TMEM63A: variants seen among roughly 807,000 people sequenced by gnomAD.
TMEM63A encodes the protein mechanosensitive cation channel TMEM63A.
Under a neutral mutation model 100.6 loss-of-function variants are expected in TMEM63A, and 76 were observed. The ratio of observed to expected loss-of-function variants is 0.76; its 90% CI spans 0.63 to 0.91. The LOEUF (loss-of-function observed/expected upper bound fraction) is 0.91. TMEM63A is among the 40% of genes least tolerant of loss of function. TMEM63A has a pLI of 0.00. For missense variants in TMEM63A, 876 were observed against 1,008.8 expected (o/e 0.87, Z 1.78); for synonymous variants, 401 against 401.1 (o/e 1.00, Z 0.00).
intron 2 of TMEM63A, among the ~76,000 whole-genome samples, chr1:225,878,861 CACCT>C (rs1374393104): frequency 5.2e-4 from 76 of 146,460 alleles, no homozygotes; most frequent in African/African-American, 1.2e-3. Context: ...CACACATGGA[CACCT>C]ACCTACCTAC....
rs1301825646 is a variant in TMEM63A, at chr1:225,865,755, C to T, written c.746+142G>A. On this transcript the variant is annotated intron_variant, in intron 10 of 24. Coordinates refer to ENST00000366835, the MANE Select transcript of TMEM63A (RefSeq NM_014698.3). The surrounding 1 kb of genome is among the most constrained non-coding windows in gnomAD (Gnocchi z 4.6). ...CAGGAGCCACTCCATACACGTGTGG[C>T]AGGGCCAGGTCCTTCTCAGATCTCA... 3.8e-6 allele frequency: 3 copies of T among 787,140 alleles called. No individual in the cohort carries two copies. Among genetic ancestry groups the T allele is most frequent in the African/African-American group, 1.7e-5 (1 of 58,168 alleles). 48.8% of individuals were successfully genotyped at this position (787,140 alleles called of 1,614,324 possible).
Position 225,853,512 on chromosome 1 carries a change from G to A in TMEM63A, c.1797+117C>T, listed in dbSNP as rs1213188399. 2.3e-5 allele frequency: 25 copies of A among 1,098,254 alleles called. No individual in the cohort carries two copies. The South Asian group carries it at 4.4e-4, about 19-fold the overall frequency. 68.0% of individuals were successfully genotyped at this position (1,098,254 alleles called of 1,614,324 possible). A position where few individuals can be genotyped will look rare whatever the true frequency, so the allele number is the denominator to read the frequency against. On this transcript the variant is annotated intron_variant, in intron 19 of 24. Transcript: ENST00000366835. The surrounding 1 kb of genome is among the most constrained non-coding windows in gnomAD (Gnocchi z 4.0). The stretch of plus-strand genomic sequence containing the variant: ...ACTTAGCCCAGTGCCTGCACTAGTG[G>A]GTAGTCAGGTAAATGCTACCCACTA...
chr1:225,842,320 T>C (rs752156615), downstream of TMEM63A: 10 of 1,398,236 alleles, frequency 7.2e-6, no homozygotes, highest in Non-Finnish European at 2.0e-6. Context: ...TCCAGCTCTC[T>C]GGTCCCCAGG....
intron 3 of TMEM63A, among the ~76,000 whole-genome samples, chr1:225,874,642 C>T (rs952940892): frequency 1.3e-5 from 2 of 152,370 alleles, no homozygotes; most frequent in Admixed American, 6.5e-5. Flanking sequence ...TAGTTCTGCA[C>T]GTCAGCCCTG....
downstream of TMEM63A, chr1:225,842,246 C>G (rs566154688): frequency 5.1e-6 from 4 of 778,658 alleles, no homozygotes; most frequent in African/African-American, 1.7e-5. Flanking sequence ...GGCCTGTGCT[C>G]GAACGTGGCT....
chr1:225,848,925 A>G lies in TMEM63A; in HGVS notation c.2159T>C (p.Phe720Ser). Reference sequence around the variant, plus strand: ...GTAGTTCAGAGGGCTGAGGTGCTTGAAGCATCCAAAGCAGGTGTGAGCCAG... The same window carrying G: ...GTAGTTCAGAGGGCTGAGGTGCTTGGAGCATCCAAAGCAGGTGTGAGCCAG... ...VCLAHTCFGC[F>S]KHLSPLNYKT... The change falls in exon 22 of 25, where the codon TTC (phenylalanine) becomes TCC (serine). Residue 720 changes from phenylalanine (F) to serine (S), a missense_variant. Around this residue, in one of 5 missense-constraint regions of TMEM63A, gnomAD observed 339 missense variants for 342.3 expected, o/e 0.99. Transcript: ENST00000366835. The G allele has an allele frequency of 6.2e-7, 1 of 1,600,402 alleles. No homozygotes were observed. Among genetic ancestry groups the G allele is most frequent in the Non-Finnish European group, 8.5e-7 (1 of 1,174,372 alleles).
chr1:225,859,502 G>C, intron 14 of TMEM63A, 153 bp from the exon 15 acceptor site: 1 of 878,444 alleles, frequency 1.1e-6, no homozygotes, highest in Non-Finnish European at 1.7e-6. Context: ...CAAATCTTAG[G>C]TCCCCAAGAG....
In TMEM63A at chr1:225,853,645, C is replaced by T. The variant is rs200900214; in HGVS notation, c.1781G>A (p.Arg594His). 22 of 1,567,318 alleles carry T rather than the reference C, an allele frequency of 1.4e-5. No homozygotes were observed. Among genetic ancestry groups the T allele is most frequent in the African/African-American group, 9.4e-5 (7 of 74,256 alleles). Residue 594 changes from arginine to histidine, a missense_variant, in exon 19 of 25, where the codon CGC becomes CAC. Transcript: ENST00000366835. The surrounding 1 kb of genome is among the most constrained non-coding windows in gnomAD (Gnocchi z 4.0). ...GGATGGCACCTGCTTGACATTCCTG[C>T]GGTCAGCAGCCGTCTTGGCCATGAT... is the stretch of plus-strand genomic sequence containing the variant. The part of the protein sequence containing the change: ...RMIMAKTAAD[R>H]RNVKQNQAFQ...
At chr1:225,847,582 A>T in intron 23 of TMEM63A, 1 of 176,364 alleles carries the variant, frequency 5.7e-6, no homozygotes, top group Non-Finnish European at 1.2e-5. Context: ...TGGGATGCTC[A>T]ACATATCTGT....
rs78657537 is a variant in TMEM63A, at chr1:225,865,886, C to G, written c.746+11G>C. 6,602 of 1,613,568 alleles carry G rather than the reference C, an allele frequency of 4.1e-3. 240 individuals are homozygous for G. The East Asian group carries it at 0.091, about 22-fold the overall frequency. On this transcript the variant is annotated intron_variant, in intron 10 of 24. Transcript: ENST00000366835. This position sits in a 1 kb window ranked among gnomAD's most constrained non-coding sequence, Gnocchi z 4.6. ...AGGGGGCTCAGCTCCCCTCCCACCC[C>G]ACCTGCTTACCGGAAGTGGCTCTCC...
intron 19 of TMEM63A, 37 bp from the exon 20 acceptor site, chr1:225,852,806 T>C: frequency 1.3e-6 from 2 of 1,582,890 alleles, no homozygotes; most frequent in Non-Finnish European, 1.7e-6. Flanking sequence ...CATGGACTTG[T>C]TCCACCTCAA....
At chr1:225,864,865 A>C (rs537885727) in intron 10 of TMEM63A, 2 of 152,586 alleles carry the variant, frequency 1.3e-5, no homozygotes, top group South Asian at 4.1e-4. Context: ...TCACGCCTGT[A>C]ATCCCAGCAC....
rs770381793 is a variant in TMEM63A, at chr1:225,859,324, G to A, written c.1249C>T (p.Arg417Cys). 28 of 1,614,062 alleles carry A rather than the reference G, an allele frequency of 1.7e-5. No individual in the cohort carries two copies. Among genetic ancestry groups the A allele is most frequent in the Middle Eastern group, 1.7e-4 (1 of 6,004 alleles). Residue 417 changes from arginine (R) to cysteine (C), a missense_variant, in exon 15 of 25, where the codon CGC (arginine) becomes TGC (cysteine). By Grantham distance (180) the Arg-to-Cys change is radical. Around this residue, in one of 5 missense-constraint regions of TMEM63A, gnomAD observed 487 missense variants for 581.9 expected, o/e 0.84. Transcript: ENST00000366835. ...ATGCCCAGCCACTGTAGCCACCAGC[G>A]GAGGCCCTGGATAGAGAGGTTCTTC... ...CWKNLSIQGL[R>C]WWLQWLGINF...
At chr1:225,878,458 G>A (rs560681746) in intron 2 of TMEM63A, among the ~76,000 whole-genome samples, 6 of 152,236 alleles carry the variant, frequency 3.9e-5, no homozygotes, top group Admixed American at 1.3e-4. Flanking sequence ...GCAAGGCCCA[G>A]CATTTCCAAA....
chr1:225,847,216 G>T lies in TMEM63A; in HGVS notation c.2251-3C>A. On this transcript the variant is annotated splice_region_variant and splice_polypyrimidine_tract_variant and intron_variant, in intron 23 of 24. Coordinates refer to ENST00000366835, the MANE Select transcript of TMEM63A (RefSeq NM_014698.3). ...TTCAGAATCCGAGGCACGTAGGGCT[G>T]TCAGCAAATGGATTTGTGCTTGGCC... is the stretch of plus-strand genomic sequence containing the variant. 6.2e-7 allele frequency: 1 copy of T among 1,612,314 alleles called. No individual in the cohort carries two copies. The highest frequency in any genetic ancestry group is 8.5e-7 in the Non-Finnish European group (1 of 1,179,186).
intron 20 of TMEM63A, among the ~76,000 whole-genome samples, chr1:225,850,789 G>A (rs996723959): frequency 2.0e-5 from 3 of 152,128 alleles, no homozygotes; most frequent in Admixed American, 6.5e-5. Flanking sequence ...TCGGCTCACT[G>A]CAAGCTCCGC....
chr1:225,841,789 A>T (rs1472394706), downstream of TMEM63A, among the ~76,000 whole-genome samples: 1 of 151,652 alleles, frequency 6.6e-6, no homozygotes, highest in Non-Finnish European at 1.5e-5. Flanking sequence ...TTTTTAATAG[A>T]GATGGGGTTT....
rs145863221 is a variant in TMEM63A, at chr1:225,850,026, C to T, written c.1957G>A (p.Val653Ile). 1.5e-4 allele frequency: 246 copies of T among 1,614,158 alleles called. No homozygotes were observed. The highest frequency in any genetic ancestry group is 3.3e-4 in the African/African-American group (25 of 75,046). Reference sequence around the variant, plus strand: ...TTCTCCAGCTTGGCTGGGAGGTAGACGAAGTAGAGGTTGTGCCGGTCCACC... The same window carrying T: ...TTCTCCAGCTTGGCTGGGAGGTAGATGAAGTAGAGGTTGTGCCGGTCCACC... ...HMVDRHNLYF[V>I]YLPAKLEKGI... Residue 653 changes from valine to isoleucine, a missense_variant, in exon 21 of 25, where the codon GTC (valine) becomes ATC (isoleucine). Physicochemically the swap from Val to Ile is conservative, Grantham distance 29. Around this residue, in one of 5 missense-constraint regions of TMEM63A, gnomAD observed 339 missense variants for 342.3 expected, o/e 0.99. Transcript: ENST00000366835.
In TMEM63A at chr1:225,867,605, C is replaced by A. The variant is rs921848072; in HGVS notation, c.514+283G>T. On this transcript the variant is annotated intron_variant, in intron 7 of 24. Transcript: ENST00000366835. The surrounding 1 kb of genome is among the most constrained non-coding windows in gnomAD (Gnocchi z 4.6). ...TGTGACCTCCTAATTTGGGTGAGGG[C>A]AGGAAAGTATAAAAGACTCTCTGAT... 1.3e-5 allele frequency among the ~76,000 whole-genome samples: 2 copies of A among 151,996 alleles called. No homozygotes were observed. Among genetic ancestry groups the A allele is most frequent in the African/African-American group, 2.4e-5 (1 of 41,374 alleles).
Sources: allele counts gnomAD v4.1 joint callset (sites outside exome capture counted in the v4.1 genomes callset), GRCh38; gene constraint gnomAD v4.1.1; regional missense constraint gnomAD v4.1.1; non-coding constraint Gnocchi (gnomAD v3.1); transcripts MANE v1.5; gene names NCBI Gene and HGNC (gene_info 2026-07-23, HGNC 2026-07-21).